Variants in ADAM10 observed in about 807,000 individuals in gnomAD.
The protein encoded by ADAM10 is ADAM metallopeptidase domain 10.
ADAM10 carries 17 observed loss-of-function variants against 90.1 expected under a neutral mutation model. The ratio of observed to expected loss-of-function variants is 0.19; its 90% confidence interval spans 0.13 to 0.28. The LOEUF (loss-of-function observed/expected upper bound fraction) is 0.28. Ranked by LOEUF, ADAM10 falls within the 10% of genes least tolerant of loss-of-function variation. The pLI, the probability that ADAM10 is intolerant of heterozygous loss-of-function variation, is 1.00. For missense variants in ADAM10, 610 were observed against 914.3 expected (o/e 0.67, Z 4.29); for synonymous variants, 310 against 298.6 (o/e 1.04, Z -0.40).
intron 2 of ADAM10, chr15:58,698,406 T>TAA (rs56797082): frequency 0.046 from 9,324 of 200,590 alleles, 62 homozygotes; most frequent in South Asian, 0.12. Context: ...ACCCCATCTC[T>TAA]AAAAAAAAAA....
intron 14 of ADAM10, among the ~76,000 whole-genome samples, chr15:58,602,489 G>T (rs1159415932): frequency 2.0e-5 from 3 of 152,076 alleles, no homozygotes; most frequent in Non-Finnish European, 4.4e-5. Flanking sequence ...TCTGCTCTGT[G>T]CCACTATAGC....
At chr15:58,729,095 C>T (rs1899135975) in intron 1 of ADAM10, among the ~76,000 whole-genome samples, 1 of 152,142 alleles carries the variant, frequency 6.6e-6, no homozygotes, top group Non-Finnish European at 1.5e-5. Context: ...CAGTGGCTCA[C>T]ACATGTAATC....
intron 1 of ADAM10, among the ~76,000 whole-genome samples, chr15:58,747,152 T>C (rs956087996): frequency 1.3e-5 from 2 of 152,182 alleles, no homozygotes; most frequent in Non-Finnish European, 2.9e-5. Context: ...AACACACCAG[T>C]TAAATTTTAA....
intron 15 of ADAM10, among the ~76,000 whole-genome samples, chr15:58,598,114 T>C (rs539434451): frequency 1.3e-5 from 2 of 152,196 alleles, no homozygotes; most frequent in African/African-American, 2.4e-5. Flanking sequence ...GAGACTCAGA[T>C]GCCTACACTG....
chr15:58,658,565 C>A (rs1347537568), intron 5 of ADAM10, among the ~76,000 whole-genome samples: 3 of 152,098 alleles, frequency 2.0e-5, no homozygotes, highest in African/African-American at 4.8e-5. Flanking sequence ...ACTGACTGCA[C>A]TGAATCTGCA....
At chr15:58,665,540 A>T (rs1897058744) in intron 4 of ADAM10, among the ~76,000 whole-genome samples, 1 of 152,100 alleles carries the variant, frequency 6.6e-6, no homozygotes, top group African/African-American at 2.4e-5. Flanking sequence ...ATCATCTGGC[A>T]GGGGTCAAGA....
chr15:58,740,412 G>A (rs1358290945), intron 1 of ADAM10, among the ~76,000 whole-genome samples: 4 of 126,910 alleles, frequency 3.2e-5, no homozygotes, highest in Non-Finnish European at 6.1e-5. Flanking sequence ...CTGTCTCTAG[G>A]GAAGAAAAAA....
intron 1 of ADAM10, among the ~76,000 whole-genome samples, chr15:58,734,166 T>C (rs996944214): frequency 6.6e-6 from 1 of 152,214 alleles, no homozygotes; most frequent in African/African-American, 2.4e-5. Context: ...CCTGATTACA[T>C]CAATTTCTTG....
intron 11 of ADAM10, among the ~76,000 whole-genome samples, chr15:58,620,237 G>A (rs1895739933): frequency 6.6e-6 from 1 of 152,046 alleles, no homozygotes; most frequent in African/African-American, 2.4e-5. Flanking sequence ...AGGCGAAGGT[G>A]GGCAGATCAC....
At chr15:58,611,558 A>G (rs1555410844) in intron 12 of ADAM10, 8 of 454,150 alleles carry the variant, frequency 1.8e-5, no homozygotes, top group Non-Finnish European at 3.1e-5. Context: ...TAAATATTAT[A>G]GACAAATCAC....
At chr15:58,663,193 T>C (rs1487981357) in intron 5 of ADAM10, among the ~76,000 whole-genome samples, 7 of 152,236 alleles carry the variant, frequency 4.6e-5, no homozygotes, top group African/African-American at 1.7e-4. Flanking sequence ...TCAATCCATC[T>C]AGACTTTTTT....
At chr15:58,712,217 A>G (rs1898496851) in intron 2 of ADAM10, among the ~76,000 whole-genome samples, 1 of 152,222 alleles carries the variant, frequency 6.6e-6, no homozygotes, top group Non-Finnish European at 1.5e-5. Context: ...AAACCACGTA[A>G]GAAAAATTTC....
chr15:58,736,753 C>T (rs182450879), intron 1 of ADAM10, among the ~76,000 whole-genome samples: 6 of 152,058 alleles, frequency 3.9e-5, no homozygotes, highest in African/African-American at 9.6e-5. Flanking sequence ...AAAAGAAACA[C>T]AGTATATCGA....
At chr15:58,710,486 C>A (rs2140805071) in intron 2 of ADAM10, among the ~76,000 whole-genome samples, 1 of 152,258 alleles carries the variant, frequency 6.6e-6, no homozygotes, top group African/African-American at 2.4e-5. Context: ...CTTCAGATTT[C>A]TTTACAAACA....
In ADAM10 at chr15:58,643,925, G is replaced by A. The variant is rs147524981; in HGVS notation, c.789C>T (p.Ser263=). 10 of 1,613,446 alleles carry A rather than the reference G, an allele frequency of 6.2e-6. No homozygotes were observed. Among genetic ancestry groups the A allele is most frequent in the East Asian group, 2.2e-5 (1 of 44,838 alleles). The change falls in exon 7 of 16, where the codon TCC becomes TCT. Residue 263 remains serine, a synonymous_variant. Coordinates refer to ENST00000260408, the MANE Select transcript of ADAM10 (RefSeq NM_001110.4). ...IDTIYQTTDF[S]GIRNISFMVK... ...CCATGAAACTGATGTTACGGATTCC[G>A]GAGAAGTCTGTGGTCTGGTAAATTG...
chr15:58,696,389 A>T (rs1444885627), intron 2 of ADAM10, among the ~76,000 whole-genome samples: 3 of 152,098 alleles, frequency 2.0e-5, no homozygotes, highest in African/African-American at 7.2e-5. Context: ...TAAACAACTT[A>T]GAAGGAAAAC....
chr15:58,669,956 GGAGTA>G (rs1383186818), intron 4 of ADAM10, among the ~76,000 whole-genome samples: 1 of 152,104 alleles, frequency 6.6e-6, no homozygotes, highest in Non-Finnish European at 1.5e-5. Context: ...AGGGTAGCGG[GGAGTA>G]GAGGAGAGAA....
intron 2 of ADAM10, among the ~76,000 whole-genome samples, chr15:58,685,578 A>ATATG (rs1897575411): frequency 7.2e-6 from 1 of 139,640 alleles, no homozygotes; most frequent in Non-Finnish European, 1.6e-5. Context: ...ATATATATAT[A>ATATG]TATATGTATA....
intron 3 of ADAM10, among the ~76,000 whole-genome samples, chr15:58,681,285 T>C (rs576933480): frequency 6.6e-6 from 1 of 152,276 alleles, no homozygotes; most frequent in African/African-American, 2.4e-5. Flanking sequence ...TGAAAAACGC[T>C]TCATTTTGGT....
Sources: allele counts gnomAD v4.1 joint callset (sites outside exome capture counted in the v4.1 genomes callset), GRCh38; gene constraint gnomAD v4.1.1; transcripts MANE v1.5; gene names NCBI Gene and HGNC (gene_info 2026-07-23, HGNC 2026-07-21).